IGSF21: variants seen among roughly 807,000 people sequenced by gnomAD.
IGSF21 encodes immunoglobulin superfamily member 21.
In IGSF21, 28 loss-of-function variants were observed where a neutral mutation model predicts 46.8. The observed-to-expected ratio is 0.60, with a 90% CI of 0.44 to 0.82. IGSF21 has a LOEUF of 0.82. IGSF21 is among the 40% of genes least tolerant of loss of function. The pLI is 0.00. For missense variants in IGSF21, 624 were observed against 665.5 expected (o/e 0.94, Z 0.69); for synonymous variants, 284 against 273.6 (o/e 1.04, Z -0.38).
chr1:18,329,896 C>T (rs770441246), intron 3 of IGSF21, among the ~76,000 whole-genome samples: 4 of 152,210 alleles, frequency 2.6e-5, no homozygotes, highest in East Asian at 1.9e-4. Context: ...ATGCAGGTCA[C>T]GGGGCATGCA....
At chr1:18,122,483 G>T (rs1008728477) in intron 1 of IGSF21, among the ~76,000 whole-genome samples, 10 of 151,024 alleles carry the variant, frequency 6.6e-5, no homozygotes. Context: ...GAGCCACCAC[G>T]CCAAGCCACC....
intron 1 of IGSF21, among the ~76,000 whole-genome samples, chr1:18,159,123 A>T (rs2086593815): frequency 6.6e-6 from 1 of 152,190 alleles, no homozygotes; most frequent in Admixed American, 6.5e-5. Flanking sequence ...CCATTAGACT[A>T]TGAGTTCCTC....
intron 1 of IGSF21, among the ~76,000 whole-genome samples, chr1:18,146,925 C>T (rs2086471731): frequency 6.6e-6 from 1 of 152,182 alleles, no homozygotes; most frequent in African/African-American, 2.4e-5. Flanking sequence ...AAAACACATG[C>T]CTTGTAGCAA....
intron 3 of IGSF21, among the ~76,000 whole-genome samples, chr1:18,315,981 C>T (rs1273849057): frequency 6.6e-6 from 1 of 152,146 alleles, no homozygotes; most frequent in African/African-American, 2.4e-5. Flanking sequence ...ATAGAAAAGT[C>T]ATTTGGTGTT....
intron 9 of IGSF21, among the ~76,000 whole-genome samples, 196 bp downstream of exon 9, chr1:18,377,627 C>A (rs1383860187): frequency 6.6e-6 from 1 of 152,196 alleles, no homozygotes; most frequent in African/African-American, 2.4e-5. Flanking sequence ...AAAAGGGACT[C>A]AGCCTGCCAA....
chr1:18,345,893 C>T (rs1033603470), intron 4 of IGSF21, among the ~76,000 whole-genome samples: 1 of 152,216 alleles, frequency 6.6e-6, no homozygotes, highest in Non-Finnish European at 1.5e-5. Context: ...AGGGACCCAG[C>T]CACTATGCTC....
At chr1:18,185,376 T>A (rs1267169361) in intron 1 of IGSF21, among the ~76,000 whole-genome samples, 1 of 152,194 alleles carries the variant, frequency 6.6e-6, no homozygotes, top group African/African-American at 2.4e-5. Context: ...GATCTTCAAG[T>A]GGTTTCCAAG....
chr1:18,247,263 C>A (rs1306035258), intron 2 of IGSF21, among the ~76,000 whole-genome samples: 1 of 152,080 alleles, frequency 6.6e-6, no homozygotes, highest in Non-Finnish European at 1.5e-5. Flanking sequence ...TGGGGGCCAG[C>A]TCTGTCAGGC....
chr1:18,352,904 G>A (rs1241920104), intron 4 of IGSF21, among the ~76,000 whole-genome samples: 2 of 152,122 alleles, frequency 1.3e-5, no homozygotes, highest in Non-Finnish European at 2.9e-5. Flanking sequence ...TCATGAACCC[G>A]CTCCACTCAG....
chr1:18,174,405 T>G (rs537923322), intron 1 of IGSF21, among the ~76,000 whole-genome samples: 2 of 152,176 alleles, frequency 1.3e-5, no homozygotes, highest in African/African-American at 4.8e-5. Flanking sequence ...CCGCTGCTGA[T>G]GAAATGAAGC....
chr1:18,282,596 G>A (rs2085171976), intron 2 of IGSF21, among the ~76,000 whole-genome samples: 1 of 151,320 alleles, frequency 6.6e-6, no homozygotes, highest in African/African-American at 2.4e-5. Flanking sequence ...TGGCAAGGGA[G>A]ATACAACCTT....
intron 3 of IGSF21, among the ~76,000 whole-genome samples, chr1:18,295,213 C>T (rs1389024469): frequency 6.6e-6 from 1 of 152,194 alleles, no homozygotes; most frequent in Non-Finnish European, 1.5e-5. Context: ...GGACAGATCA[C>T]TGCCTCTCTG....
intron 2 of IGSF21, among the ~76,000 whole-genome samples, chr1:18,241,292 A>G (rs1220810554): frequency 6.6e-6 from 1 of 152,120 alleles, no homozygotes; most frequent in Non-Finnish European, 1.5e-5. Flanking sequence ...GTGTTGCCAT[A>G]CAGGACTTTG....
In IGSF21 at chr1:18,108,226, C is replaced by T. The variant is rs905263968; in HGVS notation, c.70+28C>T. ...GAGTGCGCGGGCGCCTGGCGGGAGC[C>T]GAGCGGTGAACGTGCGCGGGGACGG... On this transcript the variant is annotated intron_variant, in intron 1 of 9. Transcript: ENST00000251296. 3 of 1,341,096 alleles carry T rather than the reference C, an allele frequency of 2.2e-6. No homozygotes were observed. In the African/African-American group the frequency reaches 4.6e-5, roughly 21 times the overall value. The allele number at this position is 1,341,096 out of a possible 1,614,324, so 83.1% of individuals were successfully genotyped here.
At position 18,365,414 on chromosome 1, in the gene IGSF21, G is replaced by A. The variant is rs1419655927; in HGVS notation, c.732G>A (p.Glu244=). The A allele has an allele frequency of 6.2e-7, 1 of 1,613,674 alleles. No individual in the cohort carries two copies. The highest frequency in any genetic ancestry group is 1.3e-5 in the African/African-American group (1 of 74,796). ...ACCGGGGTGGGCGACCCTACACGGA[G>A]CGCCCCTCCCGTGGCCTGACCCCAG... ...AENRGGRPYT[E]RPSRGLTPDP... is the part of the protein sequence containing the mutation. The change falls in exon 6 of 10, where the codon GAG becomes GAA. Residue 244 remains glutamate, a synonymous_variant. Coordinates refer to ENST00000251296, the MANE Select transcript of IGSF21 (RefSeq NM_032880.5). The surrounding 1 kb of genome is among the most constrained non-coding windows in gnomAD (Gnocchi z 4.8).
At chr1:18,162,588 G>A (rs747524123) in intron 1 of IGSF21, among the ~76,000 whole-genome samples, 22 of 152,190 alleles carry the variant, frequency 1.4e-4, no homozygotes, top group Admixed American at 1.0e-3. Context: ...TTCTGAGCAC[G>A]TTTCAGGTCA....
At chr1:18,331,601 C>G (rs1280386747) in intron 3 of IGSF21, among the ~76,000 whole-genome samples, 1 of 152,156 alleles carries the variant, frequency 6.6e-6, no homozygotes, top group Admixed American at 6.5e-5. Context: ...CATATAATGT[C>G]TTTGTCATAA....
At chr1:18,242,095 C>T (rs1008251405) in intron 2 of IGSF21, among the ~76,000 whole-genome samples, 5 of 152,200 alleles carry the variant, frequency 3.3e-5, no homozygotes, top group Admixed American at 2.0e-4. Flanking sequence ...AGTAGTGCTG[C>T]GGCACAGATC....
chr1:18,323,998 G>A (rs1449765926), intron 3 of IGSF21, among the ~76,000 whole-genome samples: 6 of 152,010 alleles, frequency 3.9e-5, no homozygotes, highest in Admixed American at 6.5e-5. Context: ...CCTGTCCAGC[G>A]CTGCCCCATC....
Sources: allele counts gnomAD v4.1 joint callset (sites outside exome capture counted in the v4.1 genomes callset), GRCh38; gene constraint gnomAD v4.1.1; non-coding constraint Gnocchi (gnomAD v3.1); transcripts MANE v1.5; gene names NCBI Gene and HGNC (gene_info 2026-07-23, HGNC 2026-07-21).